The following NEK11 variants were observed in gnomAD, a reference collection of about 807,000 sequenced individuals.
NEK11 encodes serine/threonine-protein kinase Nek11.
A neutral mutation model predicts 80.7 loss-of-function variants in NEK11; 72 were observed. The observed-to-expected ratio is 0.89, with a 90% confidence interval of 0.74 to 1.08. The LOEUF (loss-of-function observed/expected upper bound fraction) is 1.08, where lower values mean the gene tolerates loss of function less well. NEK11 is among the 50% of genes least tolerant of loss of function. The pLI is 0.00. For missense variants in NEK11, 764 were observed against 763.6 expected, an observed-to-expected ratio of 1.00 and a Z score of -0.01; for synonymous variants, 251 against 260.7, an observed-to-expected ratio of 0.96 and a Z score of 0.36.
chr3:131,075,195 C>T (rs1416113833), intron 3 of NEK11, among the ~76,000 whole-genome samples: 1 of 152,058 alleles, frequency 6.6e-6, no homozygotes, highest in Non-Finnish European at 1.5e-5. Flanking sequence ...AGTTCTAACC[C>T]CCGAATGAGC....
intron 14 of NEK11, among the ~76,000 whole-genome samples, chr3:131,192,195 A>G (rs2093823915): frequency 6.6e-6 from 1 of 152,202 alleles, no homozygotes; most frequent in Non-Finnish European, 1.5e-5. Flanking sequence ...GATGCTCCAT[A>G]TCACTAATCA....
At chr3:131,274,293 A>C (rs1473181747) in intron 17 of NEK11, among the ~76,000 whole-genome samples, 2 of 145,400 alleles carry the variant, frequency 1.4e-5, no homozygotes, top group Non-Finnish European at 3.0e-5. Context: ...TGAACTCATC[A>C]TTTTTTATGG....
At chr3:131,208,396 A>G (rs555426781) in intron 14 of NEK11, among the ~76,000 whole-genome samples, 3 of 152,294 alleles carry the variant, frequency 2.0e-5, no homozygotes, top group Non-Finnish European at 4.4e-5. Context: ...ATCTGGTAGC[A>G]TGATGCCTCC....
chr3:131,132,144 T>A (rs1184017259), intron 5 of NEK11, among the ~76,000 whole-genome samples: 1 of 151,864 alleles, frequency 6.6e-6, no homozygotes, highest in Non-Finnish European at 1.5e-5. Flanking sequence ...TTCGCAGGGA[T>A]TTTTTTTCAT....
intron 17 of NEK11, among the ~76,000 whole-genome samples, chr3:131,336,804 GGACATGAACA>G (rs1168635107): frequency 6.6e-6 from 1 of 152,128 alleles, no homozygotes; most frequent in Non-Finnish European, 1.5e-5. Context: ...AGTGGGTGAA[GGACATGAACA>G]GACACTTCTC....
intron 14 of NEK11, among the ~76,000 whole-genome samples, chr3:131,219,021 G>C (rs2094932280): frequency 6.6e-6 from 1 of 152,134 alleles, no homozygotes. Context: ...AATACCATTT[G>C]ACCCAGCAAT....
chr3:131,255,019 TAAGA>T (rs1404136222), intron 16 of NEK11, among the ~76,000 whole-genome samples: 27 of 133,164 alleles, frequency 2.0e-4, no homozygotes, highest in Admixed American at 9.1e-4. Context: ...AGACTCCATC[TAAGA>T]AAGAAAGAAA....
At chr3:131,314,579 C>A (rs908357549) in intron 17 of NEK11, among the ~76,000 whole-genome samples, 6 of 152,182 alleles carry the variant, frequency 3.9e-5, no homozygotes, top group Non-Finnish European at 7.3e-5. Flanking sequence ...ATAGGGTTGG[C>A]AGAGCCTTGG....
intron 5 of NEK11, 101 bp from the exon 6 acceptor site, chr3:131,132,644 T>G: frequency 1.6e-6 from 1 of 633,948 alleles, no homozygotes; most frequent in East Asian, 3.2e-5. Flanking sequence ...TGGGAGTATA[T>G]ATTTATGTGT....
At chr3:131,132,371 A>T (rs2084650978) in intron 5 of NEK11, among the ~76,000 whole-genome samples, 1 of 152,052 alleles carries the variant, frequency 6.6e-6, no homozygotes, top group South Asian at 2.1e-4. Flanking sequence ...TTTCACAAGT[A>T]TATAAAACTT....
At chr3:131,234,248 T>G (rs1480015142) in intron 15 of NEK11, among the ~76,000 whole-genome samples, 2 of 152,218 alleles carry the variant, frequency 1.3e-5, no homozygotes, top group Non-Finnish European at 2.9e-5. Context: ...GATACAGATT[T>G]ATCTCCTCCT....
chr3:131,062,187 CAT>C (rs2071007152), intron 3 of NEK11, among the ~76,000 whole-genome samples: 1 of 152,188 alleles, frequency 6.6e-6, no homozygotes, highest in South Asian at 2.1e-4. Context: ...GGTGACAGAA[CAT>C]GTGTGTAGCA....
chr3:131,313,148 A>T (rs1044932417), intron 17 of NEK11, among the ~76,000 whole-genome samples: 1 of 152,154 alleles, frequency 6.6e-6, no homozygotes, highest in African/African-American at 2.4e-5. Context: ...GCTGCAAAGG[A>T]CATGATCTCA....
intron 17 of NEK11, among the ~76,000 whole-genome samples, chr3:131,301,219 C>T (rs2096657687): frequency 6.6e-6 from 1 of 152,124 alleles, no homozygotes; most frequent in African/African-American, 2.4e-5. Context: ...GATTTTTGTA[C>T]ATTAATTTTG....
intron 3 of NEK11, among the ~76,000 whole-genome samples, chr3:131,044,339 A>G (rs1217587117): frequency 6.8e-6 from 1 of 146,358 alleles, no homozygotes; most frequent in African/African-American, 2.5e-5. Flanking sequence ...GGTGTGCTGT[A>G]TTCAGGAGAC....
chr3:131,163,904 A>G (rs2091930616), intron 11 of NEK11, among the ~76,000 whole-genome samples: 1 of 152,240 alleles, frequency 6.6e-6, no homozygotes, highest in Non-Finnish European at 1.5e-5. Flanking sequence ...TTGGTAGGTT[A>G]TCAAATTTCC....
chr3:131,133,197 T>C (rs2084851103), intron 6 of NEK11: 2 of 447,122 alleles, frequency 4.5e-6, no homozygotes, highest in African/African-American at 4.0e-5. Context: ...AAGCAATAAG[T>C]GGTTATAGAT....
chr3:131,174,822 A>C, intron 14 of NEK11: 1 of 1,607,518 alleles, frequency 6.2e-7, no homozygotes, highest in South Asian at 1.1e-5. Context: ...ATAGCCTGAG[A>C]CTCTAGGGCC....
intron 17 of NEK11, among the ~76,000 whole-genome samples, chr3:131,324,772 C>T (rs941930052): frequency 2.0e-4 from 30 of 152,126 alleles, no homozygotes; most frequent in Non-Finnish European, 4.3e-4. Context: ...CTGCTTCCCC[C>T]GATAGCCCAG....
Sources: allele counts gnomAD v4.1 joint callset (sites outside exome capture counted in the v4.1 genomes callset), GRCh38; gene constraint gnomAD v4.1.1; transcripts MANE v1.5; gene names NCBI Gene and HGNC (gene_info 2026-07-23, HGNC 2026-07-21).